Variants in RICTOR observed in about 807,000 individuals in gnomAD.
The protein encoded by RICTOR is rapamycin-insensitive companion of mTOR.
A neutral mutation model predicts 214.9 loss-of-function variants in RICTOR; 49 were observed. The observed-to-expected ratio is 0.23, with a 90% CI of 0.18 to 0.29. The LOEUF (loss-of-function observed/expected upper bound fraction) is 0.29, where lower values mean the gene tolerates loss of function less well. Among genes scored for constraint, RICTOR ranks in the 10% least tolerant of loss-of-function variants. RICTOR has a pLI of 1.00. For synonymous variants in RICTOR, 717 were observed against 711.3 expected (o/e 1.01, Z -0.13); for missense variants, 1,625 against 2,047.0 (o/e 0.79, Z 3.98).
rs1376418649 is a variant in RICTOR at position 38,960,423 on chromosome 5, G to A, written c.1826C>T (p.Thr609Ile). ...CTCTTCAGATTCAAGAAGAAATTCT[G>A]TAAACTGGCAACCTACAACCGTGAG... The part of the protein sequence containing the change: ...KQLTVVGCQF[T>I]EFLLESEEDG... Residue 609 changes from threonine (T) to isoleucine (I), a missense_variant, in exon 20 of 38, where the codon ACA becomes ATA. By Grantham distance (89) the Thr-to-Ile change is moderately conservative. Around this residue, in one of 5 missense-constraint regions of RICTOR, gnomAD observed 1,214 missense variants for 1,470.5 expected, o/e 0.83. Coordinates refer to ENST00000357387, the MANE Select transcript of RICTOR (RefSeq NM_152756.5). 2 of 1,613,746 alleles carry A rather than the reference G, an allele frequency of 1.2e-6. No individual in the cohort carries two copies. Among genetic ancestry groups the A allele is most frequent in the South Asian group, 2.2e-5 (2 of 91,040 alleles).
intron 5 of RICTOR, among the ~76,000 whole-genome samples, chr5:39,001,867 C>T (rs530126129): frequency 6.6e-5 from 10 of 152,116 alleles, no homozygotes; most frequent in Admixed American, 5.2e-4. Context: ...GATGGGGACA[C>T]GGGGAGACTG....
At chr5:39,043,305 A>G (rs1561055746) in intron 2 of RICTOR, among the ~76,000 whole-genome samples, 1 of 152,198 alleles carries the variant, frequency 6.6e-6, no homozygotes, top group Non-Finnish European at 1.5e-5. Context: ...TTACTCAGCC[A>G]TTAAAAAAAT....
chr5:38,967,832 G>T, intron 12 of RICTOR, 111 bp downstream of exon 12: 1 of 577,598 alleles, frequency 1.7e-6, no homozygotes, highest in Non-Finnish European at 3.1e-6. Context: ...CAATTATGCA[G>T]CAAGAAAAGA....
intron 7 of RICTOR, among the ~76,000 whole-genome samples, chr5:38,983,796 A>C (rs1040353878): frequency 1.3e-5 from 2 of 151,962 alleles, no homozygotes; most frequent in Non-Finnish European, 2.9e-5. Flanking sequence ...CCCCATCTCT[A>C]CTGAAAATAC....
intron 2 of RICTOR, among the ~76,000 whole-genome samples, chr5:39,025,573 G>A (rs1755750911): frequency 6.6e-6 from 1 of 152,216 alleles, no homozygotes. Context: ...AGCAACAGAA[G>A]TTTATATCTC....
At position 38,967,975 on chromosome 5, in the gene RICTOR, G is replaced by T; in HGVS notation, c.1028C>A (p.Thr343Asn). Residue 343 changes from threonine (T) to asparagine (N), a missense_variant, in exon 12 of 38, where the codon ACT (threonine) becomes AAT (asparagine). Transcript: ENST00000357387. Reference protein sequence around the residue: ...DIFRLPLPVVTEEFIEALLSV... With the variant: ...DIFRLPLPVVNEEFIEALLSV... ...GAGTAGTGCTTCTATGAACTCCTCAGTCACAACAGGTAGAGGAAGACGAAA... is the reference window on the plus strand; with the variant it reads ...GAGTAGTGCTTCTATGAACTCCTCATTCACAACAGGTAGAGGAAGACGAAA... 6.2e-7 allele frequency: 1 copy of T among 1,605,610 alleles called. No individual in the cohort carries two copies. The highest frequency in any genetic ancestry group is 8.5e-7 in the Non-Finnish European group (1 of 1,172,624).
At chr5:39,057,853 C>A (rs1561073280) in intron 2 of RICTOR, among the ~76,000 whole-genome samples, 1 of 152,038 alleles carries the variant, frequency 6.6e-6, no homozygotes. Flanking sequence ...TAATACACTT[C>A]AAGTATTTAA....
intron 28 of RICTOR, 121 bp downstream of exon 28, chr5:38,953,340 A>T (rs902243295): frequency 1.1e-5 from 6 of 543,494 alleles, no homozygotes; most frequent in Admixed American, 9.8e-5. Flanking sequence ...GGAACAATCC[A>T]GTCTTAAATA....
At chr5:38,955,394 G>A (rs1749168090) in intron 26 of RICTOR, among the ~76,000 whole-genome samples, 1 of 151,908 alleles carries the variant, frequency 6.6e-6, no homozygotes, top group African/African-American at 2.4e-5. Flanking sequence ...ATACAGACTG[G>A]GGTGCCAGCA....
chr5:39,004,877 G>A (rs1753923863), intron 3 of RICTOR, among the ~76,000 whole-genome samples: 5 of 143,236 alleles, frequency 3.5e-5, no homozygotes, highest in African/African-American at 7.8e-5. Flanking sequence ...CGCCTCCCAC[G>A]TTCAAGCGAT....
At chr5:38,965,791 G>GA (rs957016636) in intron 15 of RICTOR, among the ~76,000 whole-genome samples, 1 of 151,976 alleles carries the variant, frequency 6.6e-6, no homozygotes, top group African/African-American at 2.4e-5. Flanking sequence ...GCTATGAAGG[G>GA]AAAACAAGGG....
At chr5:38,989,717 G>A (rs1009494643) in intron 7 of RICTOR, among the ~76,000 whole-genome samples, 3 of 152,098 alleles carry the variant, frequency 2.0e-5, no homozygotes, top group African/African-American at 7.2e-5. Flanking sequence ...CTCAAAAGAA[G>A]ACATTTATGT....
chr5:39,040,084 T>C (rs1757054343), intron 2 of RICTOR, among the ~76,000 whole-genome samples: 1 of 151,822 alleles, frequency 6.6e-6, no homozygotes, highest in Non-Finnish European at 1.5e-5. Context: ...CCAACAATAA[T>C]AGACTGGATT....
At position 38,939,335 on chromosome 5, in the gene RICTOR, T is replaced by C. The variant is rs561013609; in HGVS notation, c.*2969A>G. On this transcript the variant is annotated 3_prime_UTR_variant, in exon 38 of 38. Coordinates refer to ENST00000357387, the MANE Select transcript of RICTOR (RefSeq NM_152756.5). ...AAAGTTGTCATTTCAAAAGGACTTG[T>C]ACACATTATGTTAATAATGTATATA... 147 of 232,462 alleles carry C rather than the reference T, an allele frequency of 6.3e-4. No individual in the cohort carries two copies. Among genetic ancestry groups the C allele is most frequent in the Middle Eastern group, 1.3e-3 (1 of 774 alleles). The allele number at this position is 232,462 out of a possible 1,614,324, so 14.4% of individuals were successfully genotyped here.
chr5:38,938,085 T>A lies in RICTOR; in HGVS notation c.*4219A>T, dbSNP rs1477584377. The A allele has an allele frequency of 1.5e-5, 3 of 206,896 alleles. No individual in the cohort carries two copies. In the East Asian group the frequency reaches 2.2e-4, roughly 15 times the overall value. 12.8% of individuals were successfully genotyped at this position (206,896 alleles called of 1,614,324 possible). ...AAAACCATTTGGGGACAAATCTTAT[T>A]TAAATTATACACAACTCAATGAAAT... On this transcript the variant is annotated 3_prime_UTR_variant, in exon 38 of 38. Transcript: ENST00000357387.
chr5:38,969,261 C>T (rs184087939), intron 11 of RICTOR, among the ~76,000 whole-genome samples: 3 of 151,470 alleles, frequency 2.0e-5, no homozygotes, highest in East Asian at 1.9e-4. Context: ...TGTGAGCCAC[C>T]GCACCTGGCC....
intron 30 of RICTOR, among the ~76,000 whole-genome samples, chr5:38,951,275 G>A (rs992719403): frequency 4.6e-5 from 7 of 151,878 alleles, no homozygotes; most frequent in Middle Eastern, 3.2e-3. Context: ...ACTAGAAGAC[G>A]CAACCCAAGT....
chr5:39,012,106 G>A (rs987683395), intron 3 of RICTOR, among the ~76,000 whole-genome samples: 1 of 152,142 alleles, frequency 6.6e-6, no homozygotes, highest in Non-Finnish European at 1.5e-5. Flanking sequence ...GAAAATACTT[G>A]AATCATGGGG....
At position 38,938,369 on chromosome 5, in the gene RICTOR, T is replaced by A. The variant is rs1747193772; in HGVS notation, c.*3935A>T. 1 of 230,384 alleles carries A rather than the reference T, an allele frequency of 4.3e-6. No homozygotes were observed. Among genetic ancestry groups the A allele is most frequent in the South Asian group, 1.8e-4 (1 of 5,500 alleles). 14.3% of individuals were successfully genotyped at this position (230,384 alleles called of 1,614,324 possible). A position where few individuals can be genotyped will look rare whatever the true frequency, so the allele number is the denominator to read the frequency against. On this transcript the variant is annotated 3_prime_UTR_variant, in exon 38 of 38. Coordinates refer to ENST00000357387, the MANE Select transcript of RICTOR (RefSeq NM_152756.5). ...GCAGCTTTAGGGTTTCTGACAGGTATTTTTGTAACAATTACCTATAAAATT... is the reference window on the plus strand; with the variant it reads ...GCAGCTTTAGGGTTTCTGACAGGTAATTTTGTAACAATTACCTATAAAATT...
Sources: gnomAD v4.1 joint callset for allele counts (sites outside exome capture counted in the v4.1 genomes callset) on GRCh38, gnomAD v4.1.1 for gene constraint, gnomAD v4.1.1 regional missense constraint, MANE v1.5 for transcripts, NCBI Gene and HGNC (gene_info 2026-07-23, HGNC 2026-07-21) for gene names.